The following CADPS variants were observed in gnomAD, a reference collection of about 807,000 sequenced individuals.
The protein encoded by CADPS is calcium-dependent secretion activator 1.
Under a neutral mutation model 167.3 loss-of-function variants are expected in CADPS, and 57 were observed. The observed-to-expected ratio is 0.34, with a 90% confidence interval of 0.28 to 0.42. The LOEUF (loss-of-function observed/expected upper bound fraction) is 0.42, where lower values mean the gene tolerates loss of function less well. Ranked by LOEUF, CADPS falls within the 20% of genes least tolerant of loss-of-function variation. CADPS has a pLI of 1.00. For synonymous variants in CADPS, 676 were observed against 635.3 expected (o/e 1.06, Z -0.96); for missense variants, 1,414 against 1,738.1 (o/e 0.81, Z 3.32).
At chr3:62,515,490 T>A (rs2068755237) in intron 16 of CADPS, among the ~76,000 whole-genome samples, 1 of 151,966 alleles carries the variant, frequency 6.6e-6, no homozygotes, top group Non-Finnish European at 1.5e-5. Flanking sequence ...TAACAAGCAT[T>A]TAAGGTCTGG....
At position 62,446,799 on chromosome 3, in the gene CADPS, T is replaced by G. The variant is rs1228363838; in HGVS notation, c.3637-1002A>C. On this transcript the variant is annotated intron_variant, in intron 26 of 29. Coordinates refer to ENST00000383710, the MANE Select transcript of CADPS (RefSeq NM_003716.4). The surrounding 1 kb of genome is among the most constrained non-coding windows in gnomAD (Gnocchi z 4.9). ...TCATTTTGACTCAGGTCACACATGTTTCTCTAGGCACAATTAAGACTAAGG... is the reference window on the plus strand; with the variant it reads ...TCATTTTGACTCAGGTCACACATGTGTCTCTAGGCACAATTAAGACTAAGG... 6.6e-6 allele frequency among the ~76,000 whole-genome samples: 1 copy of G among 152,192 alleles called. No individual in the cohort carries two copies. The highest frequency in any genetic ancestry group is 1.5e-5 in the Non-Finnish European group (1 of 68,034).
intron 14 of CADPS, 75 bp from the exon 15 acceptor site, chr3:62,516,718 A>G: frequency 9.8e-7 from 1 of 1,023,016 alleles, no homozygotes; most frequent in Non-Finnish European, 1.5e-6. Flanking sequence ...TTTGATTCCT[A>G]TAGCAACTCT....
intron 4 of CADPS, among the ~76,000 whole-genome samples, chr3:62,657,892 A>G (rs2150371228): frequency 6.6e-6 from 1 of 152,282 alleles, no homozygotes; most frequent in Admixed American, 6.5e-5. Context: ...CAGGGTCCCT[A>G]CAATATCTTT....
At chr3:62,804,952 C>G (rs1226789466) in intron 1 of CADPS, among the ~76,000 whole-genome samples, 1 of 151,976 alleles carries the variant, frequency 6.6e-6, no homozygotes, top group Non-Finnish European at 1.5e-5. Flanking sequence ...GAACCAATAT[C>G]AAGAAATATA....
intron 6 of CADPS, among the ~76,000 whole-genome samples, chr3:62,614,490 C>T (rs910524444): frequency 6.6e-6 from 1 of 152,206 alleles, no homozygotes; most frequent in Non-Finnish European, 1.5e-5. Context: ...AGGCATCACA[C>T]CTGGGCAAGC....
intron 12 of CADPS, among the ~76,000 whole-genome samples, chr3:62,533,760 C>T (rs833675): frequency 0.96 from 146,862 of 152,272 alleles, 71,151 homozygotes; most frequent in Middle Eastern, 0.99. Flanking sequence ...TTAAATTTTT[C>T]AAATGAAGGT....
intron 2 of CADPS, among the ~76,000 whole-genome samples, chr3:62,760,519 T>C (rs751985321): frequency 3.3e-5 from 5 of 152,092 alleles, no homozygotes; most frequent in Non-Finnish European, 5.9e-5. Context: ...CCTCATAAAG[T>C]ACTGGGATTA....
rs1443506430 is a variant in CADPS at position 62,478,773 on chromosome 3, A to G, written c.3174-357T>C. On this transcript the variant is annotated intron_variant, in intron 22 of 29. Transcript: ENST00000383710. The surrounding 1 kb of genome is among the most constrained non-coding windows in gnomAD (Gnocchi z 5.7). The stretch of plus-strand genomic sequence containing the variant: ...CGAACCAGGGGGAGAAATAGTCTCA[A>G]CAGATAATAACTACATGGCAACATG... Among the ~76,000 whole-genome samples, 1 of 152,228 alleles carries G rather than the reference A, an allele frequency of 6.6e-6. No individual in the cohort carries two copies. The highest frequency in any genetic ancestry group is 1.5e-5 in the Non-Finnish European group (1 of 68,038).
chr3:62,558,964 A>G (rs2034610), intron 9 of CADPS, among the ~76,000 whole-genome samples: 32,745 of 152,042 alleles, frequency 0.22, 4,021 homozygotes, highest in African/African-American at 0.33. Context: ...GTGTAGGCTG[A>G]GGGTTCCATG....
intron 3 of CADPS, among the ~76,000 whole-genome samples, chr3:62,733,613 T>C (rs1013911515): frequency 3.3e-5 from 5 of 152,194 alleles, no homozygotes; most frequent in Non-Finnish European, 7.3e-5. Flanking sequence ...CTTAGTTTCC[T>C]TCCCATTTTA....
chr3:62,770,326 CAGTT>C (rs2088273650), intron 1 of CADPS, among the ~76,000 whole-genome samples: 2 of 152,364 alleles, frequency 1.3e-5, no homozygotes, highest in South Asian at 4.1e-4. Flanking sequence ...GTCATTATCA[CAGTT>C]AGCCCTTATC....
intron 3 of CADPS, among the ~76,000 whole-genome samples, chr3:62,715,359 T>TATCTATCC (rs2084268904): frequency 6.7e-6 from 1 of 150,068 alleles, no homozygotes; most frequent in African/African-American, 2.5e-5. Context: ...CAGCCCTATC[T>TATCTATCC]ATCTATCTAT....
In CADPS at chr3:62,464,730, C is replaced by A. The variant is rs539276429; in HGVS notation, c.3636+637G>T. 5.3e-5 allele frequency among the ~76,000 whole-genome samples: 8 copies of A among 152,210 alleles called. No homozygotes were observed. In the South Asian group the frequency reaches 1.7e-3, roughly 32 times the overall value. Reference sequence around the variant, plus strand: ...TCCCAGAAGTTGTAAACTTAAATGGCTCCTAAGCCCAGGTAGGTATGTGAA... The same window carrying A: ...TCCCAGAAGTTGTAAACTTAAATGGATCCTAAGCCCAGGTAGGTATGTGAA... On this transcript the variant is annotated intron_variant, in intron 26 of 29. Coordinates refer to ENST00000383710, the MANE Select transcript of CADPS (RefSeq NM_003716.4).
chr3:62,701,079 T>C (rs2081301556), intron 3 of CADPS, among the ~76,000 whole-genome samples: 1 of 152,096 alleles, frequency 6.6e-6, no homozygotes, highest in Non-Finnish European at 1.5e-5. Flanking sequence ...TCTATTCTTA[T>C]GACCTAATTA....
intron 1 of CADPS, among the ~76,000 whole-genome samples, chr3:62,829,933 CTTG>C (rs1270043677): frequency 3.3e-5 from 5 of 152,270 alleles, no homozygotes; most frequent in Non-Finnish European, 5.9e-5. Context: ...CAACAGCCAA[CTTG>C]TTGTCAATAA....
At chr3:62,576,073 C>A (rs922378284) in intron 8 of CADPS, among the ~76,000 whole-genome samples, 2 of 152,160 alleles carry the variant, frequency 1.3e-5, no homozygotes, top group African/African-American at 4.8e-5. Flanking sequence ...TCTGTTATTG[C>A]AGACATACAG....
chr3:62,845,293 A>G (rs2077233845), intron 1 of CADPS, among the ~76,000 whole-genome samples: 1 of 152,056 alleles, frequency 6.6e-6, no homozygotes, highest in African/African-American at 2.4e-5. Flanking sequence ...CATCATCACG[A>G]TTTTCCCCAG....
At chr3:62,835,623 A>C (rs1050410936) in intron 1 of CADPS, among the ~76,000 whole-genome samples, 1 of 152,142 alleles carries the variant, frequency 6.6e-6, no homozygotes, top group Non-Finnish European at 1.5e-5. Flanking sequence ...TATGAGAGAG[A>C]GAGCAGCTAC....
intron 3 of CADPS, among the ~76,000 whole-genome samples, chr3:62,737,184 C>G (rs1338343243): frequency 6.6e-6 from 1 of 151,932 alleles, no homozygotes; most frequent in Non-Finnish European, 1.5e-5. Flanking sequence ...ATAACCCCCA[C>G]AATCTAAGTA....
Sources: allele counts gnomAD v4.1 joint callset (sites outside exome capture counted in the v4.1 genomes callset), GRCh38; gene constraint gnomAD v4.1.1; non-coding constraint Gnocchi (gnomAD v3.1); transcripts MANE v1.5; gene names NCBI Gene and HGNC (gene_info 2026-07-23, HGNC 2026-07-21).